The following TEF variants were observed in gnomAD, a reference collection of about 807,000 sequenced individuals.
TEF encodes thyrotroph embryonic factor.
In TEF, 3 loss-of-function variants were observed where a neutral mutation model predicts 20.8. The observed-to-expected ratio is 0.14, with a 90% CI of 0.07 to 0.37. TEF has a LOEUF of 0.37. TEF is among the 10% of genes least tolerant of loss of function. The probability of loss-of-function intolerance (pLI) is 1.00; values close to 1 mark genes in which losing one functional copy is unlikely to be tolerated. For synonymous variants in TEF, 180 were observed against 171.1 expected (o/e 1.05, Z -0.41); for missense variants, 296 against 397.9 (o/e 0.74, Z 2.18).
In TEF at chr22:41,386,305, G is replaced by A. The variant is rs557936499; in HGVS notation, c.158-1046G>A. Among the ~76,000 whole-genome samples, 17 of 152,182 alleles carry A rather than the reference G, an allele frequency of 1.1e-4. 1 individual carries two copies. The South Asian group carries it at 3.3e-3, about 30-fold the overall frequency. ...ATACAAAAAAAATTAATCAGGCGTG[G>A]TGCCGCATGCCTATAATCCCAGCTA... On this transcript the variant is annotated intron_variant, in intron 1 of 3. Transcript: ENST00000266304.
chr22:41,382,293 A>C (rs1022588962), intron 1 of TEF, 92 bp downstream of exon 1: 1 of 1,004,350 alleles, frequency 1.0e-6, no homozygotes, highest in Non-Finnish European at 1.2e-6. Context: ...GCAGTGGGTC[A>C]GGGAGCAGTG....
chr22:41,393,698 G>A (rs559102088), intron 2 of TEF, among the ~76,000 whole-genome samples: 84 of 151,618 alleles, frequency 5.5e-4, no homozygotes, highest in African/African-American at 1.9e-3. Context: ...GCATGAACCC[G>A]GGAGGCGGAG....
intron 1 of TEF, among the ~76,000 whole-genome samples, chr22:41,376,641 G>A (rs1315423893): frequency 6.6e-6 from 1 of 152,174 alleles, no homozygotes; most frequent in Non-Finnish European, 1.5e-5. Context: ...AATCTTGTCT[G>A]TAGCTTAGAC....
upstream of TEF, among the ~76,000 whole-genome samples, chr22:41,377,702 C>G (rs1205602419): frequency 2.0e-5 from 3 of 152,182 alleles, no homozygotes. Context: ...GGCAATTAAG[C>G]ACGATAGAGA....
chr22:41,372,014 C>G (rs996169870), intron 1 of TEF, among the ~76,000 whole-genome samples: 2 of 152,218 alleles, frequency 1.3e-5, no homozygotes, highest in Non-Finnish European at 2.9e-5. Flanking sequence ...GTGTTTGCCT[C>G]CATGCACAGC....
Position 41,396,148 on chromosome 22 carries a change from G to A in TEF, c.*188G>A, listed in dbSNP as rs1601827276. The A allele has an allele frequency of 1.6e-6, 1 of 607,834 alleles. No homozygotes were observed. Among genetic ancestry groups the A allele is most frequent in the Non-Finnish European group, 2.9e-6 (1 of 350,146 alleles). 37.7% of individuals were successfully genotyped at this position (607,834 alleles called of 1,614,324 possible). ...TGCGCACGTGGCGACGTCCCTGAGG[G>A]GCCAGTCTCCTCACTGGTGGGGAAC... On this transcript the variant is annotated 3_prime_UTR_variant, in exon 4 of 4. Transcript: ENST00000266304.
chr22:41,375,122 C>T (rs1042162139), intron 1 of TEF, among the ~76,000 whole-genome samples: 3 of 152,176 alleles, frequency 2.0e-5, no homozygotes, highest in African/African-American at 7.2e-5. Flanking sequence ...GAGGTGAGGG[C>T]TTCTCTCTGG....
chr22:41,374,155 C>G (rs1260812697), intron 1 of TEF, among the ~76,000 whole-genome samples: 1 of 152,048 alleles, frequency 6.6e-6, no homozygotes, highest in Non-Finnish European at 1.5e-5. Flanking sequence ...TCTGTAATCC[C>G]AGCACTTCGG....
chr22:41,383,480 G>A (rs1048656399), intron 1 of TEF, among the ~76,000 whole-genome samples: 3 of 152,166 alleles, frequency 2.0e-5, no homozygotes, highest in Non-Finnish European at 4.4e-5. Context: ...TAGAGTGCTC[G>A]CAAAGCACGC....
In TEF at chr22:41,392,719, A is replaced by G. The variant is rs149780572; in HGVS notation, c.476-1377A>G. On this transcript the variant is annotated intron_variant, in intron 2 of 3. Coordinates refer to ENST00000266304, the MANE Select transcript of TEF (RefSeq NM_003216.4). ...AGACTAAGTGACTAGATGGCACAGT[A>G]ACAGACATGTCTCAGGGACTCAAAA... is the stretch of plus-strand genomic sequence containing the variant. Among the ~76,000 whole-genome samples, 21 of 150,772 alleles carry G rather than the reference A, an allele frequency of 1.4e-4. No homozygotes were observed. In the East Asian group the frequency reaches 2.7e-3, roughly 20 times the overall value.
chr22:41,367,516 T>G, exon 1 of TEF: 3 of 1,550,516 alleles, frequency 1.9e-6, no homozygotes, highest in Non-Finnish European at 2.6e-6. Flanking sequence ...TGCGACTGGT[T>G]CTCAGTGGCC....
chr22:41,368,067 G>A (rs1256151286), intron 1 of TEF, among the ~76,000 whole-genome samples: 2 of 152,094 alleles, frequency 1.3e-5, no homozygotes, highest in African/African-American at 4.8e-5. Context: ...ACTCATGGAT[G>A]GGATGGAAAC....
intron 3 of TEF, among the ~76,000 whole-genome samples, chr22:41,394,525 G>A (rs2037205470): frequency 6.6e-6 from 1 of 152,200 alleles, no homozygotes; most frequent in South Asian, 2.1e-4. Flanking sequence ...GTGACTCCCT[G>A]TAGTTTCTCT....
At chr22:41,370,408 T>C (rs1163467286) in intron 1 of TEF, among the ~76,000 whole-genome samples, 1 of 120,174 alleles carries the variant, frequency 8.3e-6, no homozygotes, top group Non-Finnish European at 1.7e-5. Flanking sequence ...CCACTGCGCC[T>C]GGCATTTTTT....
chr22:41,375,052 G>A (rs901180937), intron 1 of TEF, among the ~76,000 whole-genome samples: 6 of 152,198 alleles, frequency 3.9e-5, no homozygotes, highest in East Asian at 3.8e-4. Flanking sequence ...CCTCCAGCAC[G>A]TCTTTGACTG....
intron 1 of TEF, among the ~76,000 whole-genome samples, chr22:41,369,447 AGAGT>A (rs2036855105): frequency 6.6e-6 from 1 of 151,966 alleles, no homozygotes; most frequent in Admixed American, 6.5e-5. Flanking sequence ...CATCTCACTG[AGAGT>A]GAGAAGCATG....
rs1468611098 is a variant in TEF, at chr22:41,398,813, G to C, written c.*2853G>C. 2.0e-5 allele frequency: 3 copies of C among 152,552 alleles called. No individual in the cohort carries two copies. The highest frequency in any genetic ancestry group is 1.9e-4 in the East Asian group (1 of 5,192). 9.4% of individuals were successfully genotyped at this position (152,552 alleles called of 1,614,324 possible). A position where few individuals can be genotyped will look rare whatever the true frequency, so the allele number is the denominator to read the frequency against. ...GGGCGGGAGGCATGCAAGCCAGTGG[G>C]GGAAAACCCCTCTGAAGCTGGGCAG... On this transcript the variant is annotated 3_prime_UTR_variant, in exon 4 of 4. Coordinates refer to ENST00000266304, the MANE Select transcript of TEF (RefSeq NM_003216.4).
At chr22:41,379,066 C>T (rs1016218821), upstream of TEF, among the ~76,000 whole-genome samples, 1 of 152,172 alleles carries the variant, frequency 6.6e-6, no homozygotes, top group South Asian at 2.1e-4. Flanking sequence ...GTAGGCCAGG[C>T]GCGGTGGCTC....
upstream of TEF, chr22:41,381,792 A>G: frequency 7.2e-6 from 7 of 978,842 alleles, no homozygotes; most frequent in Non-Finnish European, 7.8e-6. Context: ...TCACGGCCCG[A>G]GGATCTGCGC....
Sources: allele counts gnomAD v4.1 joint callset (sites outside exome capture counted in the v4.1 genomes callset), GRCh38; gene constraint gnomAD v4.1.1; transcripts MANE v1.5; gene names NCBI Gene and HGNC (gene_info 2026-07-23, HGNC 2026-07-21).